HTR1E: variants seen among roughly 807,000 people sequenced by gnomAD.
HTR1E encodes the protein 5-hydroxytryptamine receptor 1E.
HTR1E carries 3 observed loss-of-function variants against 3.4 expected under a neutral mutation model. That is an observed-to-expected ratio of 0.89 (90% CI 0.41 to 2.31). The LOEUF (loss-of-function observed/expected upper bound fraction) is 2.31, where lower values mean the gene tolerates loss of function less well. HTR1E is among the 30% of genes most tolerant of loss of function. HTR1E has a pLI of 0.05. For synonymous variants in HTR1E, 170 were observed against 182.8 expected (o/e 0.93, Z 0.56); for missense variants, 392 against 467.0 (o/e 0.84, Z 1.48).
At chr6:86,950,211 T>C (rs1245128143) in intron 1 of HTR1E, among the ~76,000 whole-genome samples, 1 of 151,770 alleles carries the variant, frequency 6.6e-6, no homozygotes, top group African/African-American at 2.4e-5. Context: ...AAAAAGTACA[T>C]GTTATCTTAT....
At chr6:86,968,574 C>A (rs1005668776) in intron 1 of HTR1E, among the ~76,000 whole-genome samples, 1 of 152,178 alleles carries the variant, frequency 6.6e-6, no homozygotes, top group African/African-American at 2.4e-5. Context: ...ATTGCTTAAG[C>A]ATTAGTTCAT....
At chr6:86,978,727 G>A (rs1380767171) in intron 1 of HTR1E, among the ~76,000 whole-genome samples, 1 of 152,170 alleles carries the variant, frequency 6.6e-6, no homozygotes, top group Non-Finnish European at 1.5e-5. Context: ...CAACTTTGAG[G>A]TGCTGGTGAA....
intron 1 of HTR1E, among the ~76,000 whole-genome samples, chr6:86,962,795 G>A (rs1767427080): frequency 6.6e-6 from 1 of 152,040 alleles, no homozygotes; most frequent in African/African-American, 2.4e-5. Context: ...CCAAGATTGT[G>A]CCACTGCACT....
intron 1 of HTR1E, among the ~76,000 whole-genome samples, chr6:86,962,435 G>T (rs1236605063): frequency 6.6e-6 from 1 of 152,200 alleles, no homozygotes; most frequent in African/African-American, 2.4e-5. Context: ...CCATAAGATG[G>T]AGCTGGAAAA....
chr6:86,961,064 T>C (rs1393999667), intron 1 of HTR1E, among the ~76,000 whole-genome samples: 1 of 152,242 alleles, frequency 6.6e-6, no homozygotes, highest in Non-Finnish European at 1.5e-5. Flanking sequence ...CTAGGAACTA[T>C]CAAGAGAGCC....
intron 1 of HTR1E, among the ~76,000 whole-genome samples, chr6:86,974,367 C>G (rs191133357): frequency 1.3e-3 from 191 of 152,260 alleles, no homozygotes; most frequent in South Asian, 0.01. Flanking sequence ...GCAAAAGAAT[C>G]CTGTTCAGAA....
intron 1 of HTR1E, among the ~76,000 whole-genome samples, chr6:87,001,786 T>C (rs1768027444): frequency 6.6e-6 from 1 of 152,040 alleles, no homozygotes; most frequent in South Asian, 2.1e-4. Context: ...CAGACAAAAA[T>C]AAATACAAGT....
At chr6:86,984,831 C>T (rs1767761451) in intron 1 of HTR1E, among the ~76,000 whole-genome samples, 1 of 152,218 alleles carries the variant, frequency 6.6e-6, no homozygotes. Context: ...TAACACACAT[C>T]ACTTTTGCTC....
intron 1 of HTR1E, among the ~76,000 whole-genome samples, chr6:86,971,854 T>C (rs1008523256): frequency 9.8e-5 from 15 of 152,320 alleles, no homozygotes; most frequent in African/African-American, 3.4e-4. Context: ...TACTTCCATC[T>C]TTGTATCCAT....
rs1444996202 is a variant in HTR1E, at chr6:87,016,274, G to A, written c.940G>A (p.Val314Met). The change falls in exon 2 of 2, where the codon GTG (valine) becomes ATG (methionine). Residue 314 changes from valine (V) to methionine (M), a missense_variant. Physicochemically the swap from Val to Met is conservative, Grantham distance 21. This residue lies in a region of HTR1E where 178 missense variants were observed against 164.9 expected (regional missense o/e 1.08). Coordinates refer to ENST00000305344, the MANE Select transcript of HTR1E (RefSeq NM_000865.3). ...WLPFFIKELIVGLSIYTVSSE... is the reference protein window; with the variant it reads ...WLPFFIKELIMGLSIYTVSSE... ...GCCATTTTTCATCAAAGAGTTGATT[G>A]TGGGTCTGAGCATCTACACCGTGTC... 2 of 1,614,140 alleles carry A rather than the reference G, an allele frequency of 1.2e-6. No homozygotes were observed. The highest frequency in any genetic ancestry group is 2.2e-5 in the East Asian group (1 of 44,876).
intron 1 of HTR1E, among the ~76,000 whole-genome samples, chr6:86,982,839 T>C (rs954807617): frequency 2.0e-5 from 3 of 152,200 alleles, no homozygotes; most frequent in African/African-American, 7.2e-5. Context: ...TATCAGCCCA[T>C]ATAATTTAAT....
At chr6:86,944,015 G>C (rs972303274) in intron 1 of HTR1E, among the ~76,000 whole-genome samples, 2 of 152,130 alleles carry the variant, frequency 1.3e-5, no homozygotes, top group African/African-American at 4.8e-5. Context: ...GCTCGCTCAC[G>C]TGGCTGTTGA....
Position 86,958,369 on chromosome 6 carries a change from T to G in HTR1E, c.-186+20546T>G, listed in dbSNP as rs530910555. 2.6e-5 allele frequency among the ~76,000 whole-genome samples: 4 copies of G among 152,286 alleles called. No individual in the cohort carries two copies. In the South Asian group the frequency reaches 8.3e-4, roughly 32 times the overall value. On this transcript the variant is annotated intron_variant, in intron 1 of 1. Transcript: ENST00000305344. ...ATGGGAGAAGCCCATGTGCCTATAC[T>G]CAAATGCCAGCTCCTCACAATGACC...
intron 1 of HTR1E, among the ~76,000 whole-genome samples, chr6:86,975,813 G>C (rs905856451): frequency 6.6e-6 from 1 of 151,886 alleles, no homozygotes; most frequent in Non-Finnish European, 1.5e-5. Context: ...TTTTCTGCCT[G>C]TGAGACCAGA....
At chr6:86,951,519 CTGTGACTCT>C (rs1188246773) in intron 1 of HTR1E, among the ~76,000 whole-genome samples, 2 of 152,106 alleles carry the variant, frequency 1.3e-5, no homozygotes, top group African/African-American at 4.8e-5. Context: ...ATGTAAATAA[CTGTGACTCT>C]ATTGATTTAT....
At chr6:87,004,108 T>C (rs1768068068) in intron 1 of HTR1E, among the ~76,000 whole-genome samples, 1 of 152,150 alleles carries the variant, frequency 6.6e-6, no homozygotes, top group African/African-American at 2.4e-5. Flanking sequence ...AGATAAAACC[T>C]GTAATAAAAA....
intron 1 of HTR1E, among the ~76,000 whole-genome samples, chr6:86,962,099 G>A (rs1312200164): frequency 2.6e-5 from 4 of 152,134 alleles, no homozygotes; most frequent in African/African-American, 9.7e-5. Flanking sequence ...GAGGAACATG[G>A]TAAAAAAGGA....
Position 87,015,528 on chromosome 6 carries a change from C to T in HTR1E, c.194C>T (p.Ala65Val). The change falls in exon 2 of 2, where the codon GCC (alanine) becomes GTC (valine). Residue 65 changes from alanine to valine, a missense_variant. Transcript: ENST00000305344. ...GCCAACTACCTAATCTGTTCTCTGG[C>T]CGTGACGGACCTCCTGGTGGCAGTG... ...QPANYLICSL[A>V]VTDLLVAVLV... The T allele has an allele frequency of 6.2e-7, 1 of 1,612,868 alleles. No individual in the cohort carries two copies. The highest frequency in any genetic ancestry group is 8.5e-7 in the Non-Finnish European group (1 of 1,179,220).
chr6:86,948,044 C>T (rs1005615196), intron 1 of HTR1E, among the ~76,000 whole-genome samples: 5 of 152,126 alleles, frequency 3.3e-5, no homozygotes, highest in African/African-American at 4.8e-5. Context: ...ACCCTCCACC[C>T]CGCGACAGGC....
Sources: allele counts gnomAD v4.1 joint callset (sites outside exome capture counted in the v4.1 genomes callset), GRCh38; gene constraint gnomAD v4.1.1; regional missense constraint gnomAD v4.1.1; transcripts MANE v1.5; gene names NCBI Gene and HGNC (gene_info 2026-07-23, HGNC 2026-07-21).